Variants in OPCML observed in about 807,000 individuals in gnomAD.
OPCML encodes the protein opioid binding protein/cell adhesion molecule like, also known as opioid-binding protein/cell adhesion molecule.
Under a neutral mutation model 37.8 loss-of-function variants are expected in OPCML, and 13 were observed. That is an observed-to-expected ratio of 0.34 (90% CI 0.22 to 0.55). The LOEUF (loss-of-function observed/expected upper bound fraction) is 0.55. OPCML is among the 20% of genes least tolerant of loss of function. OPCML has a pLI of 0.91. For missense variants in OPCML, 341 were observed against 435.6 expected, an observed-to-expected ratio of 0.78 and a Z score of 1.93; for synonymous variants, 176 against 168.8, an observed-to-expected ratio of 1.04 and a Z score of -0.33.
At chr11:132,870,009 T>C (rs1942732973) in intron 2 of OPCML, among the ~76,000 whole-genome samples, 1 of 152,172 alleles carries the variant, frequency 6.6e-6, no homozygotes, top group South Asian at 2.1e-4. Flanking sequence ...TTGGGATAAA[T>C]AACATCATGT....
intron 3 of OPCML, among the ~76,000 whole-genome samples, chr11:132,589,861 T>C (rs1377013142): frequency 6.6e-6 from 1 of 152,230 alleles, no homozygotes; most frequent in African/African-American, 2.4e-5. Context: ...AAATTTTTTA[T>C]GTTAAGGGCC....
intron 1 of OPCML, among the ~76,000 whole-genome samples, chr11:133,231,575 C>G (rs1249731536): frequency 6.6e-6 from 1 of 152,170 alleles, no homozygotes; most frequent in Non-Finnish European, 1.5e-5. Flanking sequence ...CCTCTCACAG[C>G]ACCTAGCTCA....
At chr11:132,447,618 A>G (rs2096058888) in intron 4 of OPCML, among the ~76,000 whole-genome samples, 1 of 152,128 alleles carries the variant, frequency 6.6e-6, no homozygotes, top group Non-Finnish European at 1.5e-5. Context: ...TCGACAGTGT[A>G]CTTTTTAACT....
At chr11:132,660,318 T>C (rs1254734680) in intron 2 of OPCML, among the ~76,000 whole-genome samples, 5 of 152,184 alleles carry the variant, frequency 3.3e-5, no homozygotes, top group Non-Finnish European at 5.9e-5. Flanking sequence ...TTCCAAGATA[T>C]ATGCCAAAAA....
At chr11:133,041,785 G>A (rs1947902177) in intron 1 of OPCML, among the ~76,000 whole-genome samples, 1 of 152,162 alleles carries the variant, frequency 6.6e-6, no homozygotes, top group African/African-American at 2.4e-5. Flanking sequence ...AAACCTCCCT[G>A]AAGTCACAGC....
At chr11:132,929,041 G>A (rs1181869681) in intron 2 of OPCML, among the ~76,000 whole-genome samples, 1 of 148,796 alleles carries the variant, frequency 6.7e-6, no homozygotes, top group Non-Finnish European at 1.5e-5. Flanking sequence ...TAAGCCTTAA[G>A]GAACTAAAAA....
chr11:133,333,033 A>G (rs1444777797), intron 1 of OPCML, among the ~76,000 whole-genome samples: 1 of 151,484 alleles, frequency 6.6e-6, no homozygotes, highest in Non-Finnish European at 1.5e-5. Context: ...ATCTTTTAGT[A>G]GTAGTAGTAG....
chr11:133,060,405 G>T (rs948627696), intron 1 of OPCML, among the ~76,000 whole-genome samples: 3 of 152,156 alleles, frequency 2.0e-5, no homozygotes, highest in Admixed American at 2.0e-4. Flanking sequence ...CACAATAGCC[G>T]CATGCTGTTA....
chr11:133,391,876 A>T (rs1459115948), intron 1 of OPCML, among the ~76,000 whole-genome samples: 1 of 152,194 alleles, frequency 6.6e-6, no homozygotes. Context: ...AGAAGCTAAG[A>T]TTCAAAGTTC....
At chr11:132,536,190 CA>C (rs1210255451) in intron 3 of OPCML, among the ~76,000 whole-genome samples, 1 of 152,178 alleles carries the variant, frequency 6.6e-6, no homozygotes, top group African/African-American at 2.4e-5. Context: ...GATGGCTCCA[CA>C]AGGTAACTGC....
intron 1 of OPCML, chr11:133,006,298 C>A (rs1947111232): frequency 1.9e-6 from 1 of 523,100 alleles, no homozygotes; most frequent in African/African-American, 2.1e-5. Flanking sequence ...GAGAGATTCC[C>A]TGTTTCCCTT....
At chr11:132,665,650 G>T (rs918474514) in intron 2 of OPCML, among the ~76,000 whole-genome samples, 1 of 152,114 alleles carries the variant, frequency 6.6e-6, no homozygotes, top group Non-Finnish European at 1.5e-5. Context: ...AAAAGTAAGG[G>T]TGAGCAGAAA....
intron 1 of OPCML, among the ~76,000 whole-genome samples, chr11:133,468,259 G>A (rs11827915): frequency 0.13 from 20,153 of 152,222 alleles, 3,196 homozygotes; most frequent in African/African-American, 0.38. Flanking sequence ...GTGCTTGCCA[G>A]TGGCTCTCAG....
chr11:132,685,938 GAAC>G (rs1368041988), intron 2 of OPCML, among the ~76,000 whole-genome samples: 2 of 152,122 alleles, frequency 1.3e-5, no homozygotes, highest in Non-Finnish European at 2.9e-5. Context: ...ATCCCAAAAG[GAAC>G]AACAACGTCC....
At chr11:132,761,079 A>G (rs1328906242) in intron 2 of OPCML, among the ~76,000 whole-genome samples, 1 of 152,078 alleles carries the variant, frequency 6.6e-6, no homozygotes, top group Admixed American at 6.6e-5. Context: ...TGGGATATGA[A>G]ATTCTGGGTT....
intron 2 of OPCML, among the ~76,000 whole-genome samples, chr11:132,889,116 C>A (rs1943541128): frequency 6.6e-6 from 1 of 152,202 alleles, no homozygotes; most frequent in Non-Finnish European, 1.5e-5. Context: ...GAACATCTAA[C>A]TGTTTGCCTC....
chr11:133,234,471 G>T (rs1445507321), intron 1 of OPCML, among the ~76,000 whole-genome samples: 1 of 152,342 alleles, frequency 6.6e-6, no homozygotes, highest in African/African-American at 2.4e-5. Flanking sequence ...AGGTCATCCA[G>T]TGGAAAGCAA....
intron 2 of OPCML, among the ~76,000 whole-genome samples, chr11:132,938,787 C>T (rs56283573): frequency 0.018 from 2,760 of 152,252 alleles, 32 homozygotes; most frequent in Middle Eastern, 0.054. Flanking sequence ...CCTTGGAAAG[C>T]AGGGACGCTG....
rs527935898 is a variant in OPCML at position 133,329,157 on chromosome 11, C to T, written c.61+203107G>A. On this transcript the variant is annotated intron_variant, in intron 1 of 7. Transcript: ENST00000524381. ...TGAAGGACCTCTTCAAGGAGAACTACAAACCACTGCTCAAGGAAATAAAAG... is the reference window on the plus strand; with the variant it reads ...TGAAGGACCTCTTCAAGGAGAACTATAAACCACTGCTCAAGGAAATAAAAG... Among the ~76,000 whole-genome samples, 534 of 152,250 alleles carry T rather than the reference C, an allele frequency of 3.5e-3. 3 individuals are homozygous for T. Among genetic ancestry groups the T allele is most frequent in the African/African-American group, 0.012 (508 of 41,544 alleles).
Sources: allele counts gnomAD v4.1 joint callset (sites outside exome capture counted in the v4.1 genomes callset), GRCh38; gene constraint gnomAD v4.1.1; transcripts MANE v1.5; gene names NCBI Gene and HGNC (gene_info 2026-07-23, HGNC 2026-07-21).